The following SPRED2 variants were observed in gnomAD, a reference collection of about 807,000 sequenced individuals.
SPRED2 encodes the protein sprouty-related, EVH1 domain-containing protein 2.
Under a neutral mutation model 43.0 loss-of-function variants are expected in SPRED2, and 47 were observed. The observed-to-expected ratio is 1.09, with a 90% confidence interval of 0.87 to 1.40. SPRED2 has a LOEUF of 1.40. Among genes scored for constraint, SPRED2 ranks in the 40% most tolerant of loss-of-function variants. SPRED2 has a pLI of 0.00. For synonymous variants in SPRED2, 225 were observed against 225.7 expected (o/e 1.00, Z 0.03); for missense variants, 561 against 586.4 (o/e 0.96, Z 0.45).
rs192509000 is a variant in SPRED2, at chr2:65,350,817, C to T, written c.27-5921G>A. 2.4e-4 allele frequency among the ~76,000 whole-genome samples: 36 copies of T among 152,320 alleles called. No homozygotes were observed. The East Asian group carries it at 6.2e-3, about 26-fold the overall frequency. ...GTCTGGGCCACGTTACAGACATAAA[C>T]CAAGGAAGTGTAGGAGATGACGGCG... On this transcript the variant is annotated intron_variant, in intron 1 of 5. Coordinates refer to ENST00000356388, the MANE Select transcript of SPRED2 (RefSeq NM_181784.3).
intron 3 of SPRED2, among the ~76,000 whole-genome samples, chr2:65,333,707 C>T (rs958740856): frequency 1.3e-5 from 2 of 152,174 alleles, no homozygotes; most frequent in African/African-American, 4.8e-5. Context: ...TTGGCTATCT[C>T]ATACTTGTTT....
intron 1 of SPRED2, chr2:65,366,439 G>C: frequency 1.4e-6 from 1 of 727,472 alleles, no homozygotes; most frequent in Non-Finnish European, 2.2e-6. Flanking sequence ...CTTGCACGTG[G>C]GCACACACAA....
downstream of SPRED2, among the ~76,000 whole-genome samples, chr2:65,310,221 G>A (rs1258266074): frequency 2.0e-5 from 3 of 151,886 alleles, no homozygotes; most frequent in South Asian, 2.1e-4. Context: ...ACACTAAGAC[G>A]CAAGGCCCCT....
intron 1 of SPRED2, among the ~76,000 whole-genome samples, chr2:65,386,168 C>T (rs926221924): frequency 1.1e-4 from 17 of 151,786 alleles, no homozygotes; most frequent in African/African-American, 3.6e-4. Context: ...GCCTATAATC[C>T]TAGCTACTCG....
rs1673161366 is a variant in SPRED2 at position 65,314,032 on chromosome 2, G to C, written c.726C>G (p.Asp242Glu). The change falls in exon 6 of 6, where the codon GAC becomes GAG. Residue 242 changes from aspartate (D) to glutamate (E), a missense_variant. Asp to Glu is a conservative substitution (Grantham distance 45). Coordinates refer to ENST00000356388, the MANE Select transcript of SPRED2 (RefSeq NM_181784.3). ...RHAPVRGKYPDPSEDADSSYV... is the reference protein window; with the variant it reads ...RHAPVRGKYPEPSEDADSSYV... ...AGGAGGAGTCCGCGTCCTCCGAGGG[G>C]TCCGGGTACTTGCCCCTGACGGGTG... is the stretch of plus-strand genomic sequence containing the variant. 6.2e-7 allele frequency: 1 copy of C among 1,613,988 alleles called. No homozygotes were observed. The highest frequency in any genetic ancestry group is 1.1e-5 in the South Asian group (1 of 91,092).
intron 1 of SPRED2, among the ~76,000 whole-genome samples, chr2:65,409,719 T>G (rs930498167): frequency 2.7e-5 from 4 of 149,584 alleles, no homozygotes; most frequent in Non-Finnish European, 5.9e-5. Flanking sequence ...AAAAAGAATT[T>G]TGTGTTCTGA....
chr2:65,427,840 A>G (rs1467075297), intron 1 of SPRED2, among the ~76,000 whole-genome samples: 1 of 152,214 alleles, frequency 6.6e-6, no homozygotes, highest in African/African-American at 2.4e-5. Context: ...GTTAGTTAAG[A>G]GCACAGAGAC....
intron 1 of SPRED2, among the ~76,000 whole-genome samples, chr2:65,410,524 C>A (rs756125781): frequency 1.2e-4 from 19 of 152,112 alleles, no homozygotes; most frequent in Non-Finnish European, 1.9e-4. Context: ...CTTTGGGAGG[C>A]CGAGGCGGGC....
intron 1 of SPRED2, among the ~76,000 whole-genome samples, chr2:65,348,996 A>G (rs1674429505): frequency 6.6e-6 from 1 of 152,030 alleles, no homozygotes; most frequent in Admixed American, 6.6e-5. Flanking sequence ...AGGATTCAAC[A>G]TGCATATTCC....
intron 1 of SPRED2, among the ~76,000 whole-genome samples, chr2:65,361,772 G>A (rs1434476084): frequency 6.6e-6 from 1 of 152,138 alleles, no homozygotes; most frequent in Non-Finnish European, 1.5e-5. Flanking sequence ...GTTCTCTGGC[G>A]ACGTGATGAG....
At chr2:65,342,244 G>A (rs896529658) in intron 2 of SPRED2, among the ~76,000 whole-genome samples, 15 of 135,476 alleles carry the variant, frequency 1.1e-4, no homozygotes, top group African/African-American at 4.8e-4. Context: ...TGTATATTTT[G>A]TATACGTATA....
chr2:65,364,523 G>A (rs893043315), intron 1 of SPRED2, among the ~76,000 whole-genome samples: 1 of 152,210 alleles, frequency 6.6e-6, no homozygotes, highest in African/African-American at 2.4e-5. Context: ...AGGGGCCTCT[G>A]AGGCGTGGCA....
chr2:65,409,971 A>G (rs1263639695), intron 1 of SPRED2, among the ~76,000 whole-genome samples: 3 of 151,500 alleles, frequency 2.0e-5, no homozygotes, highest in Non-Finnish European at 4.4e-5. Context: ...TGGAGGTTGC[A>G]GTGAGCCAAG....
intron 1 of SPRED2, among the ~76,000 whole-genome samples, chr2:65,355,633 G>A (rs776430127): frequency 6.6e-5 from 10 of 152,066 alleles, no homozygotes; most frequent in Non-Finnish European, 1.3e-4. Context: ...TTCAAGAATC[G>A]CTTGAACCTA....
intron 1 of SPRED2, among the ~76,000 whole-genome samples, chr2:65,408,474 C>G (rs1233960521): frequency 6.6e-6 from 1 of 152,174 alleles, no homozygotes; most frequent in Non-Finnish European, 1.5e-5. Context: ...CTGAATTGAT[C>G]ATAGAGCTCC....
At chr2:65,322,288 A>ATTTTTTT (rs1286632853) in intron 4 of SPRED2, among the ~76,000 whole-genome samples, 4 of 88,544 alleles carry the variant, frequency 4.5e-5, no homozygotes, top group African/African-American at 2.2e-4. Flanking sequence ...ATATATATAT[A>ATTTTTTT]TATATATTTT....
At chr2:65,404,064 G>C (rs1000825698) in intron 1 of SPRED2, among the ~76,000 whole-genome samples, 5 of 152,098 alleles carry the variant, frequency 3.3e-5, no homozygotes, top group Non-Finnish European at 7.4e-5. Flanking sequence ...AACTAGCTGG[G>C]CATGGTGGCG....
chr2:65,422,437 G>A (rs77909321), intron 1 of SPRED2, among the ~76,000 whole-genome samples: 2,968 of 152,256 alleles, frequency 0.019, 46 homozygotes, highest in Middle Eastern at 0.034. Context: ...TAAGTGCCCC[G>A]AGAGCAGGGA....
intron 4 of SPRED2, among the ~76,000 whole-genome samples, chr2:65,319,564 A>C (rs1673350050): frequency 6.6e-6 from 1 of 152,132 alleles, no homozygotes; most frequent in South Asian, 2.1e-4. Context: ...TGGGTTTGTC[A>C]CTTGGGTGCA....
Sources: gnomAD v4.1 joint callset for allele counts (sites outside exome capture counted in the v4.1 genomes callset) on GRCh38, gnomAD v4.1.1 for gene constraint, MANE v1.5 for transcripts, NCBI Gene and HGNC (gene_info 2026-07-23, HGNC 2026-07-21) for gene names.